MBNL2: variants seen among roughly 807,000 people sequenced by gnomAD.
MBNL2 encodes the protein muscleblind-like protein 2.
MBNL2 carries 17 observed loss-of-function variants against 41.9 expected under a neutral mutation model. That is an observed-to-expected ratio of 0.41 (90% CI 0.28 to 0.61). MBNL2 has a LOEUF of 0.61. Among genes scored for constraint, MBNL2 ranks in the 20% least tolerant of loss-of-function variants. MBNL2 has a pLI of 0.35. For missense variants in MBNL2, 336 were observed against 505.6 expected, an observed-to-expected ratio of 0.66 and a Z score of 3.22; for synonymous variants, 195 against 182.9, an observed-to-expected ratio of 1.07 and a Z score of -0.53.
chr13:97,341,849 C>T (rs1319019393), intron 3 of MBNL2, among the ~76,000 whole-genome samples: 3 of 151,962 alleles, frequency 2.0e-5, no homozygotes. Flanking sequence ...TTAAATAATC[C>T]ATCCAGGGTC....
chr13:97,151,012 C>T, the MBNL2 span, among the ~76,000 whole-genome samples: 1 of 152,146 alleles, frequency 6.6e-6, no homozygotes, highest in East Asian at 1.9e-4. Context: ...CTCAAGCTCC[C>T]TCAAACTACT....
chr13:97,387,743 C>A (rs1363962879), intron 8 of MBNL2, among the ~76,000 whole-genome samples: 1 of 152,206 alleles, frequency 6.6e-6, no homozygotes, highest in Non-Finnish European at 1.5e-5. Context: ...AAATTATGCA[C>A]GTCATCTTTT....
the MBNL2 span, among the ~76,000 whole-genome samples, chr13:97,174,901 C>A: frequency 6.6e-6 from 1 of 152,142 alleles, no homozygotes; most frequent in Non-Finnish European, 1.5e-5. Flanking sequence ...TCAGTCCTTT[C>A]TCCCACTTCA....
At chr13:97,322,873 C>T (rs1476566895) in intron 2 of MBNL2, among the ~76,000 whole-genome samples, 1 of 152,186 alleles carries the variant, frequency 6.6e-6, no homozygotes, top group African/African-American at 2.4e-5. Flanking sequence ...CCATAAGTAA[C>T]CTCCCAGATG....
intron 4 of MBNL2, among the ~76,000 whole-genome samples, chr13:97,344,459 TTC>T (rs2061677375): frequency 6.6e-6 from 1 of 152,260 alleles, no homozygotes. Flanking sequence ...AGAATGTTCT[TTC>T]AATGTGCATT....
At chr13:97,284,802 T>C (rs1482489334) in intron 2 of MBNL2, among the ~76,000 whole-genome samples, 1 of 152,204 alleles carries the variant, frequency 6.6e-6, no homozygotes, top group African/African-American at 2.4e-5. Flanking sequence ...GATTACAACA[T>C]TCTTTGGTTA....
intron 2 of MBNL2, among the ~76,000 whole-genome samples, chr13:97,279,441 G>A (rs1187827461): frequency 6.6e-6 from 1 of 152,212 alleles, no homozygotes; most frequent in Non-Finnish European, 1.5e-5. Context: ...GGCAATATTA[G>A]TTTCTTTCCC....
chr13:97,279,329 T>C (rs1356847898), intron 2 of MBNL2, among the ~76,000 whole-genome samples: 1 of 152,208 alleles, frequency 6.6e-6, no homozygotes, highest in Non-Finnish European at 1.5e-5. Flanking sequence ...AGTTTTCTCT[T>C]ATATAAAATC....
At chr13:97,204,556 T>C in the MBNL2 span, among the ~76,000 whole-genome samples, 8 of 152,220 alleles carry the variant, frequency 5.3e-5, no homozygotes, top group African/African-American at 1.9e-4. Context: ...TTGTGAAGCA[T>C]TTATTTGCAT....
At chr13:97,159,202 G>T in the MBNL2 span, among the ~76,000 whole-genome samples, 1 of 151,770 alleles carries the variant, frequency 6.6e-6, no homozygotes, top group Non-Finnish European at 1.5e-5. Context: ...TGTTTTATCA[G>T]AGACTAGGAT....
At chr13:97,375,025 C>T (rs1019805946) in intron 8 of MBNL2, among the ~76,000 whole-genome samples, 5 of 152,140 alleles carry the variant, frequency 3.3e-5, no homozygotes, top group East Asian at 1.9e-4. Flanking sequence ...GCTCTGCCCC[C>T]GATGCCTACC....
chr13:97,390,169 T>C (rs1434967163), intron 8 of MBNL2, among the ~76,000 whole-genome samples: 1 of 152,198 alleles, frequency 6.6e-6, no homozygotes, highest in Non-Finnish European at 1.5e-5. Flanking sequence ...TCTCTATTTT[T>C]ATGAATTCTC....
chr13:97,376,756 T>C (rs1259845278), intron 8 of MBNL2, among the ~76,000 whole-genome samples: 3 of 152,154 alleles, frequency 2.0e-5, no homozygotes, highest in African/African-American at 7.2e-5. Flanking sequence ...AATTACATCA[T>C]AGATATGAAA....
At chr13:97,230,514 C>T (rs946431837) in intron 1 of MBNL2, among the ~76,000 whole-genome samples, 3 of 152,066 alleles carry the variant, frequency 2.0e-5, no homozygotes, top group Non-Finnish European at 4.4e-5. Context: ...GTGTTGAAGC[C>T]GTAGTTGAAG....
the MBNL2 span, among the ~76,000 whole-genome samples, chr13:97,205,140 C>T: frequency 1.4e-5 from 2 of 146,292 alleles, no homozygotes; most frequent in African/African-American, 2.5e-5. Flanking sequence ...CACTGCACTC[C>T]AGCCTGGGAG....
At chr13:97,159,218 C>T in the MBNL2 span, among the ~76,000 whole-genome samples, 1 of 151,358 alleles carries the variant, frequency 6.6e-6, no homozygotes, top group Non-Finnish European at 1.5e-5. Flanking sequence ...AGGATTGCAA[C>T]CCCTGCGTTT....
chr13:97,331,397 C>T (rs1043373402), intron 2 of MBNL2, among the ~76,000 whole-genome samples: 1 of 152,208 alleles, frequency 6.6e-6, no homozygotes, highest in East Asian at 1.9e-4. Context: ...CCTCCATCCT[C>T]CTACCAACGG....
intron 1 of MBNL2, among the ~76,000 whole-genome samples, chr13:97,239,698 C>T (rs1000866614): frequency 2.0e-5 from 3 of 152,248 alleles, no homozygotes; most frequent in South Asian, 4.1e-4. Context: ...GTGTGAGATA[C>T]GTGAACTGTG....
the MBNL2 span, among the ~76,000 whole-genome samples, chr13:97,184,193 T>G: frequency 6.6e-6 from 1 of 152,186 alleles, no homozygotes; most frequent in African/African-American, 2.4e-5. Context: ...TGTTTCTCTA[T>G]CCTACAAGAT....
Sources: gnomAD v4.1 joint callset for allele counts (sites outside exome capture counted in the v4.1 genomes callset) on GRCh38, gnomAD v4.1.1 for gene constraint, MANE v1.5 for transcripts, NCBI Gene and HGNC (gene_info 2026-07-23, HGNC 2026-07-21) for gene names.